KIF26B: variants seen among roughly 807,000 people sequenced by gnomAD.
KIF26B encodes kinesin family member 26B, also known as kinesin-like protein KIF26B.
A neutral mutation model predicts 151.2 loss-of-function variants in KIF26B; 63 were observed. The observed-to-expected ratio is 0.42, with a 90% CI of 0.34 to 0.51. The LOEUF (loss-of-function observed/expected upper bound fraction) is 0.51. KIF26B is among the 20% of genes least tolerant of loss of function. The pLI is 0.07. For synonymous variants in KIF26B, 1,357 were observed against 1,262.1 expected (o/e 1.08, Z -1.59); for missense variants, 2,813 against 2,913.6 (o/e 0.97, Z 0.79).
At chr1:245,480,664 A>G (rs1660145821) in intron 4 of KIF26B, among the ~76,000 whole-genome samples, 1 of 150,854 alleles carries the variant, frequency 6.6e-6, no homozygotes, top group African/African-American at 2.4e-5. Flanking sequence ...TTAGAAACAC[A>G]CTCTGCTGTC....
chr1:245,250,406 A>C (rs1009080764), intron 2 of KIF26B, among the ~76,000 whole-genome samples: 2 of 152,212 alleles, frequency 1.3e-5, no homozygotes, highest in Non-Finnish European at 2.9e-5. Flanking sequence ...CTGATGAATG[A>C]CTGTACCTTG....
intron 4 of KIF26B, among the ~76,000 whole-genome samples, chr1:245,478,289 G>A (rs1317931046): frequency 6.6e-6 from 1 of 151,764 alleles, no homozygotes. Context: ...GTGATGCTGT[G>A]ATGAACGTTC....
At chr1:245,391,282 T>G (rs1468167213) in intron 3 of KIF26B, among the ~76,000 whole-genome samples, 2 of 152,186 alleles carry the variant, frequency 1.3e-5, no homozygotes, top group African/African-American at 4.8e-5. Flanking sequence ...AGTTTCAGAT[T>G]GCTCATTTCA....
intron 9 of KIF26B, among the ~76,000 whole-genome samples, chr1:245,636,017 AT>A (rs1391823660): frequency 6.6e-6 from 1 of 152,122 alleles, no homozygotes; most frequent in Non-Finnish European, 1.5e-5. Context: ...CTTAACATTT[AT>A]TTAGACTTGT....
At chr1:245,668,696 C>CTTT (rs11388815) in intron 10 of KIF26B, among the ~76,000 whole-genome samples, 8 of 143,462 alleles carry the variant, frequency 5.6e-5, no homozygotes, top group African/African-American at 2.3e-4. Context: ...CTTTTCTTTT[C>CTTT]TTTTCTTTTT....
chr1:245,393,032 G>A (rs1166967199), intron 3 of KIF26B, among the ~76,000 whole-genome samples: 10 of 152,218 alleles, frequency 6.6e-5, no homozygotes, highest in South Asian at 2.1e-4. Context: ...TTAGCTGGGC[G>A]TGATGGCAGA....
intron 9 of KIF26B, among the ~76,000 whole-genome samples, chr1:245,640,122 G>GCTCACTCTCTCTCTCTCTCTCTCT (rs1553299289): frequency 1.9e-5 from 1 of 53,974 alleles, no homozygotes; most frequent in Non-Finnish European, 3.6e-5. Flanking sequence ...ACTAATATTT[G>GCTCACTCTCTCTCTCTCTCTCTCT]CTCTCTCTCT....
At chr1:245,548,004 C>G (rs1289983259) in intron 5 of KIF26B, among the ~76,000 whole-genome samples, 1 of 152,136 alleles carries the variant, frequency 6.6e-6, no homozygotes, top group Non-Finnish European at 1.5e-5. Flanking sequence ...TCTGAACTTC[C>G]CCTGCCTGCT....
At position 245,162,416 on chromosome 1, in the gene KIF26B, C is replaced by T. The variant is rs1343550815; in HGVS notation, c.465+5733C>T. ...TTTTTTTTTTTTTGAGACGGAGTCT[C>T]GCTCTGTTGCCCAGGCTGGAGTACA... On this transcript the variant is annotated intron_variant, in intron 2 of 14. Transcript: ENST00000407071. Among the ~76,000 whole-genome samples, 27 of 130,452 alleles carry T rather than the reference C, an allele frequency of 2.1e-4. 1 individual carries two copies. The highest frequency in any genetic ancestry group is 2.0e-3 in the Admixed American group (23 of 11,616). 85.6% of individuals were successfully genotyped at this position (130,452 alleles called of 152,430 possible). A position where few individuals can be genotyped will look rare whatever the true frequency, so the allele number is the denominator to read the frequency against.
rs376565844 is a variant in KIF26B at position 245,640,122 on chromosome 1, GCTCTCTCT to G, written c.2099-5984_2099-5977del. ...CTCCTGTTTAGATCTACTAATATTT[GCTCTCTCT>G]CTCTCTCTCTCTCTATATATATATA... On this transcript the variant is annotated intron_variant, in intron 9 of 14. Transcript: ENST00000407071. Among the ~76,000 whole-genome samples the G allele has an allele frequency of 7.4e-5, 4 of 53,972 alleles. No homozygotes were observed. In the Admixed American group the frequency reaches 8.9e-4, roughly 12 times the overall value. 35.4% of individuals were successfully genotyped at this position (53,972 alleles called of 152,430 possible). A position where few individuals can be genotyped will look rare whatever the true frequency, so the allele number is the denominator to read the frequency against.
intron 4 of KIF26B, among the ~76,000 whole-genome samples, chr1:245,478,144 A>G (rs1660082280): frequency 6.6e-6 from 1 of 151,822 alleles, no homozygotes; most frequent in Non-Finnish European, 1.5e-5. Flanking sequence ...AAGTCCATCC[A>G]TGTTGTAACA....
At chr1:245,619,988 G>T (rs2103162095) in intron 9 of KIF26B, among the ~76,000 whole-genome samples, 4 of 152,000 alleles carry the variant, frequency 2.6e-5, no homozygotes, top group Admixed American at 2.6e-4. Context: ...GGAAGAGTAA[G>T]ACCACCCAAT....
intron 4 of KIF26B, among the ~76,000 whole-genome samples, chr1:245,428,086 G>C (rs1658690469): frequency 1.3e-5 from 2 of 152,120 alleles, no homozygotes; most frequent in South Asian, 4.1e-4. Flanking sequence ...CTCCTTCACT[G>C]GTGGCCAAGC....
At chr1:245,339,280 T>G (rs1341751983) in intron 2 of KIF26B, among the ~76,000 whole-genome samples, 1 of 152,186 alleles carries the variant, frequency 6.6e-6, no homozygotes, top group Non-Finnish European at 1.5e-5. Flanking sequence ...ACCCGGCCTT[T>G]TAGGCTATTC....
Position 245,606,820 on chromosome 1 carries a change from T to C in KIF26B, c.1558-831T>C, listed in dbSNP as rs939998304. 5.9e-5 allele frequency among the ~76,000 whole-genome samples: 9 copies of C among 152,008 alleles called. No homozygotes were observed. The highest frequency in any genetic ancestry group is 1.9e-4 in the African/African-American group (8 of 41,402). Reference sequence around the variant, plus strand: ...GCTCACGCCTGTAATCCCAGCACTTTGGGAGGCCGAGGCGGGTGGATCACC... The same window carrying C: ...GCTCACGCCTGTAATCCCAGCACTTCGGGAGGCCGAGGCGGGTGGATCACC... On this transcript the variant is annotated intron_variant, in intron 6 of 14. Transcript: ENST00000407071. The surrounding 1 kb of genome is among the most constrained non-coding windows in gnomAD (Gnocchi z 4.6).
chr1:245,168,534 T>C (rs115231683), intron 2 of KIF26B, among the ~76,000 whole-genome samples: 2,332 of 152,296 alleles, frequency 0.015, 62 homozygotes, highest in African/African-American at 0.052. Flanking sequence ...ATAAGGATGT[T>C]TTGTAGTTAA....
chr1:245,291,868 G>GA (rs1671258234), intron 2 of KIF26B, among the ~76,000 whole-genome samples: 4 of 152,086 alleles, frequency 2.6e-5, no homozygotes, highest in African/African-American at 9.7e-5. Flanking sequence ...GTGTGCAGAA[G>GA]GGCCCTGGTG....
At chr1:245,189,820 T>G (rs1372602958) in intron 2 of KIF26B, among the ~76,000 whole-genome samples, 1 of 152,210 alleles carries the variant, frequency 6.6e-6, no homozygotes, top group Non-Finnish European at 1.5e-5. Flanking sequence ...CAAAGAGGTT[T>G]AATGGACTCA....
At position 245,698,207 on chromosome 1, in the gene KIF26B, T is replaced by G. The variant is rs1422189236; in HGVS notation, c.5926T>G (p.Leu1976Val). The change falls in exon 13 of 15, where the codon TTG (leucine) becomes GTG (valine). Residue 1976 changes from leucine (L) to valine (V), a missense_variant. Leu to Val is a conservative substitution (Grantham distance 32). Coordinates refer to ENST00000407071, the MANE Select transcript of KIF26B (RefSeq NM_018012.4). This position sits in a 1 kb window ranked among gnomAD's most constrained non-coding sequence, Gnocchi z 4.0. The stretch of plus-strand genomic sequence containing the variant: ...AGGCGTCCGCTGGGTGGATGGCCCC[T>G]TGCGGAGCAGCCCGAGGGGCCTTGG... ...STGVRWVDGP[L>V]RSSPRGLGEP... 6.2e-7 allele frequency: 1 copy of G among 1,613,904 alleles called. No homozygotes were observed. Among genetic ancestry groups the G allele is most frequent in the Non-Finnish European group, 8.5e-7 (1 of 1,179,904 alleles).
Sources: gnomAD v4.1 joint callset for allele counts (sites outside exome capture counted in the v4.1 genomes callset) on GRCh38, gnomAD v4.1.1 for gene constraint, Gnocchi (gnomAD v3.1) non-coding constraint, MANE v1.5 for transcripts, NCBI Gene and HGNC (gene_info 2026-07-23, HGNC 2026-07-21) for gene names.